The following DLGAP1 variants were observed in gnomAD, a reference collection of about 807,000 sequenced individuals.
DLGAP1 encodes DLG associated protein 1.
A neutral mutation model predicts 90.8 loss-of-function variants in DLGAP1; 11 were observed. That is an observed-to-expected ratio of 0.12 (90% CI 0.08 to 0.20). The LOEUF (loss-of-function observed/expected upper bound fraction) is 0.20. DLGAP1 is among the 10% of genes least tolerant of loss of function. DLGAP1 has a pLI of 1.00. For synonymous variants in DLGAP1, 558 were observed against 540.7 expected (o/e 1.03, Z -0.44); for missense variants, 1,050 against 1,333.8 (o/e 0.79, Z 3.31).
intron 9 of DLGAP1, among the ~76,000 whole-genome samples, chr18:3,556,510 T>C (rs185615478): frequency 2.6e-5 from 4 of 152,336 alleles, no homozygotes; most frequent in Non-Finnish European, 4.4e-5. Flanking sequence ...TCATACAGTA[T>C]ATAGATTTTT....
intron 3 of DLGAP1, among the ~76,000 whole-genome samples, chr18:3,967,231 A>T (rs1298005027): frequency 3.9e-5 from 6 of 152,198 alleles, no homozygotes; most frequent in Admixed American, 3.9e-4. Flanking sequence ...TCTTCCTCAA[A>T]ACAGTCGCTG....
intron 2 of DLGAP1, among the ~76,000 whole-genome samples, chr18:4,113,937 T>C (rs1487825256): frequency 6.6e-6 from 1 of 152,154 alleles, no homozygotes; most frequent in East Asian, 1.9e-4. Flanking sequence ...GTGGCTCTAT[T>C]ACTAGGTTTT....
intron 1 of DLGAP1, among the ~76,000 whole-genome samples, chr18:4,174,948 T>A (rs1432271136): frequency 6.6e-6 from 1 of 152,230 alleles, no homozygotes; most frequent in Non-Finnish European, 1.5e-5. Context: ...ATCTCATTTT[T>A]TTATGGCTCT....
intron 1 of DLGAP1, among the ~76,000 whole-genome samples, chr18:4,297,162 TGC>T (rs2080004023): frequency 6.6e-6 from 1 of 152,200 alleles, no homozygotes; most frequent in African/African-American, 2.4e-5. Flanking sequence ...AAGGAAGATA[TGC>T]CAATTTTATA....
chr18:4,259,931 C>CT (rs879812094), intron 1 of DLGAP1, among the ~76,000 whole-genome samples: 13 of 152,204 alleles, frequency 8.5e-5, no homozygotes, highest in Admixed American at 2.6e-4. Context: ...ATTAAATTCT[C>CT]TACTACTTTC....
chr18:3,699,613 G>T (rs2061211976), intron 7 of DLGAP1, among the ~76,000 whole-genome samples: 2 of 152,092 alleles, frequency 1.3e-5, no homozygotes, highest in Admixed American at 1.3e-4. Flanking sequence ...AGGCATGGGG[G>T]TCAGGGACCC....
At chr18:4,168,444 A>G (rs2076968146) in intron 1 of DLGAP1, among the ~76,000 whole-genome samples, 1 of 152,224 alleles carries the variant, frequency 6.6e-6, no homozygotes, top group African/African-American at 2.4e-5. Flanking sequence ...ACTCACAATT[A>G]CATTCTAAGT....
At chr18:3,792,424 G>A in intron 5 of DLGAP1, among the ~76,000 whole-genome samples, 1 of 151,888 alleles carries the variant, frequency 6.6e-6, no homozygotes, top group East Asian at 1.9e-4. Context: ...AGAGATTGCA[G>A]CAGTGAGCCA....
chr18:4,203,101 C>G (rs552098565), intron 1 of DLGAP1, among the ~76,000 whole-genome samples: 26 of 152,090 alleles, frequency 1.7e-4, no homozygotes, highest in African/African-American at 5.8e-4. Flanking sequence ...ATGATGAAAC[C>G]TGTCTCTACT....
intron 9 of DLGAP1, among the ~76,000 whole-genome samples, chr18:3,551,280 C>G (rs2053403743): frequency 6.7e-6 from 1 of 150,132 alleles, no homozygotes; most frequent in South Asian, 2.1e-4. Flanking sequence ...TAAACGAAGT[C>G]TTGCTCTGAC....
intron 1 of DLGAP1, among the ~76,000 whole-genome samples, chr18:4,235,719 CTTTTTTTTTTTT>C (rs1175101805): frequency 1.2e-5 from 1 of 80,270 alleles, no homozygotes; most frequent in Non-Finnish European, 2.2e-5. Context: ...ATTTCAATGT[CTTTTTTTTTTTT>C]TTTTTTTTTT....
intron 1 of DLGAP1, among the ~76,000 whole-genome samples, chr18:4,375,953 T>C (rs560531381): frequency 6.6e-6 from 1 of 152,324 alleles, no homozygotes; most frequent in South Asian, 2.1e-4. Flanking sequence ...ATAACTGTGA[T>C]ATATAGACAT....
chr18:4,230,341 G>A (rs560931433), intron 1 of DLGAP1, among the ~76,000 whole-genome samples: 7 of 152,074 alleles, frequency 4.6e-5, no homozygotes, highest in Admixed American at 2.6e-4. Context: ...CTGCACTCCC[G>A]TGTTTACTGC....
intron 1 of DLGAP1, among the ~76,000 whole-genome samples, chr18:4,368,058 G>C (rs755043519): frequency 3.3e-5 from 5 of 151,922 alleles, no homozygotes; most frequent in Non-Finnish European, 7.4e-5. Flanking sequence ...CCTTCAAAAT[G>C]ATGGGCAACA....
In DLGAP1 at chr18:3,755,744, C is replaced by T. The variant is rs529060235; in HGVS notation, c.1173-13232G>A. On this transcript the variant is annotated intron_variant, in intron 5 of 12. Coordinates refer to ENST00000315677, the MANE Select transcript of DLGAP1 (RefSeq NM_004746.4). Reference sequence around the variant, plus strand: ...TAGTTAGACACTTCAATACTTGACTCTCAGCAATGGATAACACAATTAGAA... The same window carrying T: ...TAGTTAGACACTTCAATACTTGACTTTCAGCAATGGATAACACAATTAGAA... 7.9e-5 allele frequency among the ~76,000 whole-genome samples: 12 copies of T among 152,184 alleles called. No homozygotes were observed. The South Asian group carries it at 1.9e-3, about 24-fold the overall frequency.
intron 2 of DLGAP1, among the ~76,000 whole-genome samples, chr18:4,082,180 A>G (rs1431093770): frequency 6.6e-6 from 1 of 151,844 alleles, no homozygotes; most frequent in Non-Finnish European, 1.5e-5. Context: ...GCCTCTACTA[A>G]AATACAAAAA....
chr18:4,439,153 C>T (rs916978998), intron 1 of DLGAP1, among the ~76,000 whole-genome samples: 2 of 152,204 alleles, frequency 1.3e-5, no homozygotes, highest in African/African-American at 4.8e-5. Flanking sequence ...TCTCAGCATC[C>T]TGCTGCCCCC....
chr18:3,973,930 A>C (rs569485157), intron 3 of DLGAP1, among the ~76,000 whole-genome samples: 106 of 152,312 alleles, frequency 7.0e-4, no homozygotes, highest in Non-Finnish European at 1.2e-3. Context: ...CCACACTCTC[A>C]GGCTATATGC....
chr18:4,111,472 TAAG>T (rs1479212061), intron 2 of DLGAP1, among the ~76,000 whole-genome samples: 2 of 152,172 alleles, frequency 1.3e-5, no homozygotes, highest in African/African-American at 2.4e-5. Flanking sequence ...CTCCTATTAT[TAAG>T]AAGACTTTAC....
Sources: allele counts gnomAD v4.1 joint callset (sites outside exome capture counted in the v4.1 genomes callset), GRCh38; gene constraint gnomAD v4.1.1; transcripts MANE v1.5; gene names NCBI Gene and HGNC (gene_info 2026-07-23, HGNC 2026-07-21).